The following SVEP1 variants were observed in gnomAD, a reference collection of about 807,000 sequenced individuals.
SVEP1 encodes the protein sushi, von Willebrand factor type A, EGF and pentraxin domain-containing protein 1.
In SVEP1, 164 loss-of-function variants were observed where a neutral mutation model predicts 367.3. The observed-to-expected ratio is 0.45, with a 90% CI of 0.39 to 0.51. The LOEUF (loss-of-function observed/expected upper bound fraction) is 0.51, where lower values mean the gene tolerates loss of function less well. Ranked by LOEUF, SVEP1 falls within the 20% of genes least tolerant of loss-of-function variation. The pLI, the probability that SVEP1 is intolerant of heterozygous loss-of-function variation, is 0.00. For synonymous variants in SVEP1, 1,666 were observed against 1,611.6 expected (o/e 1.03, Z -0.81); for missense variants, 4,117 against 4,425.3 (o/e 0.93, Z 1.98).
Position 110,556,082 on chromosome 9 carries a change from C to T in SVEP1, c.532-5978G>A, listed in dbSNP as rs78710165. Among the ~76,000 whole-genome samples the T allele has an allele frequency of 8.6e-3, 1,310 of 152,258 alleles. 22 individuals are homozygous for T. Among genetic ancestry groups the T allele is most frequent in the African/African-American group, 0.03 (1,254 of 41,562 alleles). ...CTGCCAAAGAAAAACTCAACATGGA[C>T]TTTGTATGGCAAAAGGTTATCACCA... On this transcript the variant is annotated intron_variant, in intron 1 of 47. Transcript: ENST00000374469.
chr9:110,463,402 G>A (rs1828888218), intron 18 of SVEP1, among the ~76,000 whole-genome samples: 1 of 151,982 alleles, frequency 6.6e-6, no homozygotes. Flanking sequence ...TATACTTTGT[G>A]ATACTTAAAT....
At position 110,579,492 on chromosome 9, in the gene SVEP1, A is replaced by C. The variant is rs746393803; in HGVS notation, c.52T>G (p.Trp18Gly). The C allele has an allele frequency of 3.7e-6, 6 of 1,605,570 alleles. No individual in the cohort carries two copies. In the Admixed American group the frequency reaches 1.0e-4, roughly 27 times the overall value. The change falls in exon 1 of 48, where the codon TGG (tryptophan) becomes GGG (glycine). Residue 18 changes from tryptophan (W) to glycine (G), a missense_variant. Trp to Gly is a radical substitution (Grantham distance 184). This residue lies in a region of SVEP1 where 17 missense variants were observed against 27.5 expected (regional missense o/e 0.62). Transcript: ENST00000374469. The surrounding 1 kb of genome is among the most constrained non-coding windows in gnomAD (Gnocchi z 5.3). ...GGGGACATCTGCTGAAAGGTCGCCC[A>C]GCCCGAAACGAGCGCCAGACCCCAG... is the stretch of plus-strand genomic sequence containing the variant. ...CCWGLALVSG[W>G]ATFQQMSPSR...
At chr9:110,377,417 G>C in intron 44 of SVEP1, 51 bp from the exon 45 acceptor site, 1 of 1,553,242 alleles carries the variant, frequency 6.4e-7, no homozygotes, top group Non-Finnish European at 8.9e-7. Context: ...TGAAGGGAAG[G>C]AGTCAGAAAA....
chr9:110,411,091 G>A lies in SVEP1; in HGVS notation c.6620C>T (p.Pro2207Leu), dbSNP rs752979731. The part of the protein sequence containing the change: ...PTCHPVSCGE[P>L]PKVENGFLEH... The stretch of plus-strand genomic sequence containing the variant: ...CAGAAAGCCATTCTCAACCTTAGGT[G>A]GTTCACCACAAGATACCGGGTGGCA... The change falls in exon 37 of 48, where the codon CCA (proline) becomes CTA (leucine). Residue 2207 changes from proline to leucine, a missense_variant. By Grantham distance (98) the Pro-to-Leu change is moderately conservative. Around this residue, in one of 4 missense-constraint regions of SVEP1, gnomAD observed 1,765 missense variants for 1,781.1 expected, o/e 0.99. Transcript: ENST00000374469. The A allele has an allele frequency of 4.4e-6, 7 of 1,600,220 alleles. No homozygotes were observed. The Admixed American group carries it at 1.2e-4, about 27-fold the overall frequency.
intron 16 of SVEP1, among the ~76,000 whole-genome samples, chr9:110,470,172 G>T (rs188744882): frequency 4.3e-4 from 65 of 152,248 alleles, no homozygotes; most frequent in Non-Finnish European, 8.5e-4. Flanking sequence ...CTAGAATCGG[G>T]CTTAAAAGTT....
At chr9:110,455,476 T>C (rs1313750171) in intron 22 of SVEP1, 114 bp downstream of exon 22, 8 of 728,408 alleles carry the variant, frequency 1.1e-5, no homozygotes, top group African/African-American at 1.8e-5. Flanking sequence ...GCTTCTTCAA[T>C]ATGTTTATAA....
Position 110,370,014 on chromosome 9 carries a change from C to T in SVEP1, c.10603G>A (p.Val3535Ile). 1 of 1,612,180 alleles carries T rather than the reference C, an allele frequency of 6.2e-7. No individual in the cohort carries two copies. Among genetic ancestry groups the T allele is most frequent in the Non-Finnish European group, 8.5e-7 (1 of 1,179,070 alleles). The change falls in exon 47 of 48, where the codon GTT (valine) becomes ATT (isoleucine). Residue 3535 changes from valine (V) to isoleucine (I), a missense_variant and splice_region_variant. Val to Ile is a conservative substitution (Grantham distance 29). Transcript: ENST00000374469. ...GWTGSRCHTA[V>I]CQSPCLNGGK... ...CCATTTAAGCAGGGAGACTGGCAAA[C>T]AGCTGGAATAAAAAACCCATGCATT...
intron 40 of SVEP1, among the ~76,000 whole-genome samples, chr9:110,390,054 TATATATATAAG>T (rs1827609504): frequency 1.1e-5 from 1 of 90,252 alleles, no homozygotes; most frequent in African/African-American, 4.2e-5. Flanking sequence ...TATATACACG[TATATATATAAG>T]TATATATATA....
intron 36 of SVEP1, among the ~76,000 whole-genome samples, chr9:110,417,166 G>A (rs111930571): frequency 2.0e-5 from 3 of 151,396 alleles, no homozygotes; most frequent in Non-Finnish European, 4.4e-5. Context: ...CGTGAGCGAC[G>A]CAGAAGACGG....
intron 5 of SVEP1, among the ~76,000 whole-genome samples, chr9:110,509,143 T>C (rs1213616324): frequency 1.3e-5 from 2 of 152,220 alleles, no homozygotes; most frequent in African/African-American, 2.4e-5. Context: ...CATTATTTTA[T>C]GTGCCACTAA....
At chr9:110,439,815 C>T (rs1828486991) in intron 27 of SVEP1, among the ~76,000 whole-genome samples, 1 of 152,198 alleles carries the variant, frequency 6.6e-6, no homozygotes, top group African/African-American at 2.4e-5. Flanking sequence ...GATTCTCAAA[C>T]ATCCTGGCCA....
At chr9:110,503,372 A>T (rs747214559) in intron 5 of SVEP1, among the ~76,000 whole-genome samples, 155 bp from the exon 6 acceptor site, 11 of 152,202 alleles carry the variant, frequency 7.2e-5, no homozygotes, top group Non-Finnish European at 1.5e-4. Context: ...TTGAGTTCTT[A>T]TGGGACAATT....
chr9:110,427,407 G>A (rs67084135), intron 36 of SVEP1, among the ~76,000 whole-genome samples, 184 bp downstream of exon 36: 9,919 of 151,860 alleles, frequency 0.065, 453 homozygotes, highest in Non-Finnish European at 0.094. Context: ...TCAAATTCCA[G>A]GAAAATATTA....
At chr9:110,396,223 C>CA (rs1168015702) in intron 40 of SVEP1, among the ~76,000 whole-genome samples, 3 of 151,130 alleles carry the variant, frequency 2.0e-5, no homozygotes, top group Admixed American at 6.6e-5. Context: ...TACATGGAAA[C>CA]TGAACAACCT....
chr9:110,478,175 C>G (rs1478240285), intron 13 of SVEP1, among the ~76,000 whole-genome samples: 1 of 152,192 alleles, frequency 6.6e-6, no homozygotes, highest in Non-Finnish European at 1.5e-5. Flanking sequence ...ATGCTCGTGG[C>G]TCACTGCCTC....
intron 8 of SVEP1, among the ~76,000 whole-genome samples, chr9:110,493,646 C>T (rs1229553905): frequency 1.3e-5 from 2 of 152,052 alleles, no homozygotes; most frequent in Non-Finnish European, 2.9e-5. Context: ...GTAGAAGAAT[C>T]GCTTGAACCT....
intron 3 of SVEP1, among the ~76,000 whole-genome samples, chr9:110,530,941 TTGTTAGTATAA>T (rs1247381976): frequency 6.6e-6 from 1 of 152,246 alleles, no homozygotes; most frequent in African/African-American, 2.4e-5. Flanking sequence ...TATTTTTTTC[TTGTTAGTATAA>T]ATGGAACTTT....
At chr9:110,403,302 T>G (rs1178605234) in intron 39 of SVEP1, among the ~76,000 whole-genome samples, 3 of 125,232 alleles carry the variant, frequency 2.4e-5, no homozygotes, top group South Asian at 3.1e-4. Flanking sequence ...CGCCGTTTTT[T>G]TTTTTTTTTT....
At chr9:110,436,250 A>C (rs554885264) in intron 28 of SVEP1, 130 bp downstream of exon 28, 2 of 1,189,784 alleles carry the variant, frequency 1.7e-6, no homozygotes, top group South Asian at 4.3e-5. Context: ...CACAGCATCA[A>C]ATGATACTGG....
Sources: gnomAD v4.1 joint callset for allele counts (sites outside exome capture counted in the v4.1 genomes callset) on GRCh38, gnomAD v4.1.1 for gene constraint, gnomAD v4.1.1 regional missense constraint, Gnocchi (gnomAD v3.1) non-coding constraint, MANE v1.5 for transcripts, NCBI Gene and HGNC (gene_info 2026-07-23, HGNC 2026-07-21) for gene names.